The following FMN1 variants were observed in gnomAD, a reference collection of about 807,000 sequenced individuals.
The protein encoded by FMN1 is formin 1, also known as formin-1.
A neutral mutation model predicts 132.4 loss-of-function variants in FMN1; 110 were observed. The ratio of observed to expected loss-of-function variants is 0.83; its 90% CI spans 0.71 to 0.97. FMN1 has a LOEUF of 0.97. FMN1 is among the 50% of genes least tolerant of loss of function. The pLI is 0.00. For synonymous variants in FMN1, 722 were observed against 651.7 expected (o/e 1.11, Z -1.64); for missense variants, 1,792 against 1,705.3 (o/e 1.05, Z -0.90).
intron 6 of FMN1, among the ~76,000 whole-genome samples, chr15:33,046,502 C>G (rs372724039): frequency 2.6e-4 from 40 of 152,310 alleles, no homozygotes; most frequent in African/African-American, 9.1e-4. Flanking sequence ...TGTTTTGTCA[C>G]AAGTATTTTG....
chr15:33,183,509 T>G lies in FMN1; in HGVS notation c.-196-3247A>C, dbSNP rs115022137. On this transcript the variant is annotated intron_variant, in intron 2 of 20. Coordinates refer to ENST00000616417, the MANE Select transcript of FMN1 (RefSeq NM_001277313.2). The stretch of plus-strand genomic sequence containing the variant: ...TGTGTGTTACTCAACATCGAATTTC[T>G]ATAGTTTAATCATGCCTAGCACCGA... Among the ~76,000 whole-genome samples, 739 of 152,352 alleles carry G rather than the reference T, an allele frequency of 4.9e-3. 8 individuals are homozygous for G. The highest frequency in any genetic ancestry group is 0.017 in the African/African-American group (711 of 41,574).
intron 19 of FMN1, 34 bp from the exon 20 acceptor site, chr15:32,776,953 A>ATTC: frequency 7.7e-7 from 1 of 1,304,450 alleles, no homozygotes; most frequent in Non-Finnish European, 1.1e-6. Flanking sequence ...CAGGGGAGAG[A>ATTC]GGGAAAAGAA....
At chr15:33,152,379 A>G (rs1261310719) in intron 4 of FMN1, among the ~76,000 whole-genome samples, 1 of 152,198 alleles carries the variant, frequency 6.6e-6, no homozygotes, top group Non-Finnish European at 1.5e-5. Context: ...CATAAGTAAA[A>G]GATACCTACG....
intron 9 of FMN1, among the ~76,000 whole-genome samples, chr15:32,953,688 C>G (rs956267505): frequency 2.0e-5 from 3 of 152,212 alleles, no homozygotes; most frequent in Non-Finnish European, 4.4e-5. Flanking sequence ...ACCGTGGAAA[C>G]TCTGCTAGGA....
chr15:32,974,653 AG>A, intron 7 of FMN1, among the ~76,000 whole-genome samples: 1 of 152,328 alleles, frequency 6.6e-6, no homozygotes. Flanking sequence ...GCCTTTGCAC[AG>A]GTGTCTTTAA....
intron 5 of FMN1, among the ~76,000 whole-genome samples, chr15:33,086,333 T>C (rs1037121560): frequency 3.3e-5 from 5 of 149,770 alleles, no homozygotes; most frequent in African/African-American, 9.8e-5. Context: ...AAATCTCTCA[T>C]TGAAAAACAA....
intron 15 of FMN1, among the ~76,000 whole-genome samples, chr15:32,890,047 T>C (rs2059988264): frequency 6.6e-6 from 1 of 152,236 alleles, no homozygotes. Context: ...CCTGAGTTAC[T>C]CCACTTAGAA....
At chr15:32,799,445 G>A (rs2140982644) in intron 18 of FMN1, among the ~76,000 whole-genome samples, 1 of 152,202 alleles carries the variant, frequency 6.6e-6, no homozygotes, top group Middle Eastern at 3.4e-3. Context: ...TTGTAATCTT[G>A]GGTCAATCAC....
intron 3 of FMN1, among the ~76,000 whole-genome samples, chr15:33,170,295 T>C (rs1319908763): frequency 6.6e-6 from 1 of 152,002 alleles, no homozygotes; most frequent in Admixed American, 6.6e-5. Flanking sequence ...GAATTAAACG[T>C]AAGACATGAA....
At chr15:32,783,678 G>A (rs1225642859) in intron 19 of FMN1, among the ~76,000 whole-genome samples, 2 of 147,482 alleles carry the variant, frequency 1.4e-5, no homozygotes, top group Non-Finnish European at 1.5e-5. Flanking sequence ...GGGGTCGGGG[G>A]AGCTTGCAGT....
At chr15:33,011,520 A>G (rs903699566) in intron 6 of FMN1, among the ~76,000 whole-genome samples, 18 of 150,752 alleles carry the variant, frequency 1.2e-4, no homozygotes, top group Non-Finnish European at 1.9e-4. Flanking sequence ...TCAGGATAGA[A>G]AAAAGATTTC....
intron 15 of FMN1, among the ~76,000 whole-genome samples, chr15:32,895,168 T>C (rs969216675): frequency 2.6e-5 from 4 of 152,188 alleles, no homozygotes; most frequent in African/African-American, 4.8e-5. Context: ...TCTAGGGCTG[T>C]TGATACAGAA....
In FMN1 at chr15:32,908,558, C is replaced by A. The variant is rs747609208; in HGVS notation, c.3309G>T (p.Leu1103=). ...LYENRAQEDE[L]VKIRKYYETS... ...TCTCGTAATACTTTCTTATTTTAAC[C>A]AGCTCATCCTCTTGGGCTCTCTGTA... Residue 1103 remains leucine (L), a synonymous_variant, in exon 12 of 21, where the codon CTG becomes CTT. Transcript: ENST00000616417. 1.3e-6 allele frequency: 2 copies of A among 1,598,944 alleles called. No individual in the cohort carries two copies. Among genetic ancestry groups the A allele is most frequent in the South Asian group, 2.2e-5 (2 of 90,768 alleles).
intron 2 of FMN1, among the ~76,000 whole-genome samples, chr15:33,191,169 CA>C (rs34891602): frequency 1.3e-3 from 164 of 127,706 alleles, no homozygotes; most frequent in Admixed American, 2.0e-3. Context: ...GACTCCATCT[CA>C]AAAAAAAAAA....
At chr15:32,811,104 G>C (rs752198387) in intron 17 of FMN1, 2 of 456,790 alleles carry the variant, frequency 4.4e-6, no homozygotes, top group South Asian at 3.1e-5. Flanking sequence ...ACATCGGAAA[G>C]GGATGGCCTT....
intron 16 of FMN1, among the ~76,000 whole-genome samples, chr15:32,862,714 C>T (rs924189504): frequency 2.6e-5 from 4 of 152,172 alleles, no homozygotes; most frequent in African/African-American, 9.7e-5. Context: ...CGTTTAATTG[C>T]TTTGTAAATC....
chr15:33,176,442 G>T (rs6494939), intron 3 of FMN1, among the ~76,000 whole-genome samples: 71,835 of 148,062 alleles, frequency 0.49, 17,874 homozygotes, highest in Admixed American at 0.56. Flanking sequence ...GGAGGCAAAG[G>T]TTGCAGTGAG....
Position 32,911,040 on chromosome 15 carries a change from A to C in FMN1, c.3227-505T>G, listed in dbSNP as rs566934764. 2.7e-3 allele frequency among the ~76,000 whole-genome samples: 406 copies of C among 152,368 alleles called. 5 individuals carry two copies. The highest frequency in any genetic ancestry group is 9.3e-3 in the African/African-American group (385 of 41,592). ...ACATCTTGTTTGGATTAAAAAGACA[A>C]GAAAAAACAATAATTGCATCAATAG... On this transcript the variant is annotated intron_variant, in intron 10 of 20. Transcript: ENST00000616417.
intron 6 of FMN1, among the ~76,000 whole-genome samples, chr15:33,057,283 T>C (rs2037261701): frequency 6.6e-6 from 1 of 152,342 alleles, no homozygotes; most frequent in East Asian, 1.9e-4. Context: ...AGGAACCTTC[T>C]GTTGTGCTAA....
Sources: gnomAD v4.1 joint callset for allele counts (sites outside exome capture counted in the v4.1 genomes callset) on GRCh38, gnomAD v4.1.1 for gene constraint, MANE v1.5 for transcripts, NCBI Gene and HGNC (gene_info 2026-07-23, HGNC 2026-07-21) for gene names.